Variants in CSMD3 observed in about 807,000 individuals in gnomAD.
CSMD3 encodes the protein CUB and Sushi multiple domains 3.
A neutral mutation model predicts 435.2 loss-of-function variants in CSMD3; 177 were observed. The observed-to-expected ratio is 0.41, with a 90% CI of 0.36 to 0.46. The LOEUF is 0.46. CSMD3 is among the 20% of genes least tolerant of loss of function. CSMD3 has a pLI of 0.34. For synonymous variants in CSMD3, 1,656 were observed against 1,520.5 expected, an observed-to-expected ratio of 1.09 and a Z score of -2.07; for missense variants, 4,265 against 4,504.6, an observed-to-expected ratio of 0.95 and a Z score of 1.52.
intron 12 of CSMD3, among the ~76,000 whole-genome samples, chr8:112,811,125 C>T (rs1225615251): frequency 6.6e-6 from 1 of 150,950 alleles, no homozygotes; most frequent in South Asian, 2.1e-4. Flanking sequence ...TTGTATTTTA[C>T]ATTGGATTTG....
chr8:113,235,670 G>C (rs139495128), intron 3 of CSMD3, among the ~76,000 whole-genome samples: 181 of 152,226 alleles, frequency 1.2e-3, no homozygotes, highest in African/African-American at 3.9e-3. Flanking sequence ...TGTGGTTCCA[G>C]AGGAGACTGG....
chr8:112,998,466 A>G (rs2085738486), intron 6 of CSMD3, among the ~76,000 whole-genome samples: 1 of 151,930 alleles, frequency 6.6e-6, no homozygotes, highest in Non-Finnish European at 1.5e-5. Flanking sequence ...ACAAAAAATA[A>G]AGTAAAATCA....
chr8:112,381,559 A>C (rs1265060098), intron 37 of CSMD3, among the ~76,000 whole-genome samples: 1 of 152,204 alleles, frequency 6.6e-6, no homozygotes, highest in Non-Finnish European at 1.5e-5. Context: ...TACTTTCTTT[A>C]CATTTGCTTT....
chr8:112,596,607 T>C (rs1005883222), intron 22 of CSMD3, among the ~76,000 whole-genome samples: 37 of 152,102 alleles, frequency 2.4e-4, no homozygotes, highest in African/African-American at 8.4e-4. Flanking sequence ...ATTGACCACA[T>C]ACTTGGAAGT....
intron 13 of CSMD3, among the ~76,000 whole-genome samples, chr8:112,788,627 CTAAG>C (rs1021909053): frequency 3.4e-4 from 51 of 152,202 alleles, no homozygotes; most frequent in African/African-American, 1.2e-3. Flanking sequence ...AAAATAATGA[CTAAG>C]TCTTTTATAT....
intron 3 of CSMD3, among the ~76,000 whole-genome samples, chr8:113,187,277 A>G (rs1203195546): frequency 6.6e-6 from 1 of 151,656 alleles, no homozygotes; most frequent in Non-Finnish European, 1.5e-5. Context: ...TGAACTAAGG[A>G]GCAAATTTCT....
chr8:112,871,105 C>A (rs767726850), intron 10 of CSMD3, among the ~76,000 whole-genome samples: 1 of 152,042 alleles, frequency 6.6e-6, no homozygotes, highest in African/African-American at 2.4e-5. Flanking sequence ...AAAATGAATA[C>A]GTGATTATTA....
chr8:113,135,643 C>T (rs1268230270), intron 4 of CSMD3, among the ~76,000 whole-genome samples: 1 of 151,590 alleles, frequency 6.6e-6, no homozygotes, highest in Non-Finnish European at 1.5e-5. Flanking sequence ...TTTCCCAATG[C>T]TTAGACAAAA....
chr8:113,419,868 C>T (rs1008372951), intron 1 of CSMD3, among the ~76,000 whole-genome samples: 1 of 152,048 alleles, frequency 6.6e-6, no homozygotes, highest in East Asian at 1.9e-4. Flanking sequence ...CATTCAATCA[C>T]ACTAATCTAA....
chr8:113,194,564 T>A (rs1383140405), intron 3 of CSMD3, among the ~76,000 whole-genome samples: 2 of 151,298 alleles, frequency 1.3e-5, no homozygotes, highest in Non-Finnish European at 3.0e-5. Flanking sequence ...GATAATGATT[T>A]GTCAATATAA....
intron 13 of CSMD3, among the ~76,000 whole-genome samples, chr8:112,706,632 A>C (rs1430811866): frequency 6.6e-6 from 1 of 151,990 alleles, no homozygotes; most frequent in East Asian, 1.9e-4. Flanking sequence ...GTTCAGATGC[A>C]GGGAGGGTTA....
intron 1 of CSMD3, among the ~76,000 whole-genome samples, chr8:113,424,443 T>C (rs1395741057): frequency 2.0e-5 from 3 of 151,836 alleles, no homozygotes; most frequent in East Asian, 3.9e-4. Flanking sequence ...TATATTTAGC[T>C]AATTTTCTTG....
chr8:113,040,289 T>A (rs979265884), intron 5 of CSMD3, among the ~76,000 whole-genome samples: 10 of 152,178 alleles, frequency 6.6e-5, no homozygotes, highest in African/African-American at 2.4e-4. Context: ...ATGGGCCAGG[T>A]ATAATATGAC....
At chr8:112,525,799 T>TATATAC in intron 27 of CSMD3, among the ~76,000 whole-genome samples, 1 of 131,346 alleles carries the variant, frequency 7.6e-6, no homozygotes, top group East Asian at 2.2e-4. Flanking sequence ...TATATATGTA[T>TATATAC]ATATATATAT....
intron 22 of CSMD3, among the ~76,000 whole-genome samples, chr8:112,616,669 T>C (rs989596329): frequency 6.6e-6 from 1 of 152,004 alleles, no homozygotes; most frequent in Non-Finnish European, 1.5e-5. Context: ...AAACACAAGA[T>C]CAGCGTAATG....
At position 112,504,430 on chromosome 8, in the gene CSMD3, C is replaced by A. The variant is rs150437076; in HGVS notation, c.4896-453G>T. On this transcript the variant is annotated intron_variant, in intron 29 of 70. Coordinates refer to ENST00000297405, the MANE Select transcript of CSMD3 (RefSeq NM_198123.2). ...TCATGAAAACACAAACTACTTTTTT[C>A]TTCATCAATAGTACTCCTAAAAATT... is the stretch of plus-strand genomic sequence containing the variant. Among the ~76,000 whole-genome samples the A allele has an allele frequency of 8.0e-3, 1,217 of 152,050 alleles. 23 individuals are homozygous for A. The highest frequency in any genetic ancestry group is 0.027 in the African/African-American group (1,128 of 41,540).
chr8:112,392,737 T>C (rs538648348), intron 35 of CSMD3, among the ~76,000 whole-genome samples: 5 of 152,082 alleles, frequency 3.3e-5, no homozygotes, highest in East Asian at 3.8e-4. Context: ...CCATGCACTA[T>C]ATTTTTCAAA....
rs184074764 is a variant in CSMD3 at position 112,463,288 on chromosome 8, A to G, written c.5395+9303T>C. On this transcript the variant is annotated intron_variant, in intron 32 of 70. Transcript: ENST00000297405. ...GAGACAAGAGAATCACTTGAACCCA[A>G]GAGGCAGAGGTTGCAGTGAGCCGAG... 7.6e-4 allele frequency among the ~76,000 whole-genome samples: 116 copies of G among 152,250 alleles called. 2 individuals carry two copies. In the East Asian group the frequency reaches 0.018, roughly 23 times the overall value.
intron 12 of CSMD3, among the ~76,000 whole-genome samples, chr8:112,803,580 A>G (rs1186291148): frequency 2.0e-5 from 3 of 152,186 alleles, no homozygotes; most frequent in Non-Finnish European, 4.4e-5. Context: ...AGACAAAAAG[A>G]TGTAGAGTGG....
Sources: allele counts gnomAD v4.1 joint callset (sites outside exome capture counted in the v4.1 genomes callset), GRCh38; gene constraint gnomAD v4.1.1; transcripts MANE v1.5; gene names NCBI Gene and HGNC (gene_info 2026-07-23, HGNC 2026-07-21).